The following RBPMS variants were observed in gnomAD, a reference collection of about 807,000 sequenced individuals.
RBPMS encodes the protein RNA binding protein, mRNA processing factor.
RBPMS carries 7 observed loss-of-function variants against 26.8 expected under a neutral mutation model. The ratio of observed to expected loss-of-function variants is 0.26; its 90% CI spans 0.15 to 0.49. RBPMS has a LOEUF of 0.49. Among genes scored for constraint, RBPMS ranks in the 20% least tolerant of loss-of-function variants. The pLI is 0.98. For synonymous variants in RBPMS, 96 were observed against 93.3 expected, an observed-to-expected ratio of 1.03 and a Z score of -0.17; for missense variants, 186 against 250.0, an observed-to-expected ratio of 0.74 and a Z score of 1.73.
At chr8:30,521,041 G>T (rs1010468927) in intron 5 of RBPMS, among the ~76,000 whole-genome samples, 1 of 152,154 alleles carries the variant, frequency 6.6e-6, no homozygotes, top group Admixed American at 6.5e-5. Flanking sequence ...GTCTTTGCAC[G>T]TAAGATAAAC....
chr8:30,556,121 G>A, intron 6 of RBPMS: 1 of 985,388 alleles, frequency 1.0e-6, no homozygotes, highest in South Asian at 4.7e-5. Context: ...CACTTGGCAA[G>A]CACATAGTGT....
chr8:30,569,707 ATGG>A (rs34586777), intron 8 of RBPMS, among the ~76,000 whole-genome samples: 4,199 of 152,176 alleles, frequency 0.028, 196 homozygotes, highest in African/African-American at 0.096. Context: ...TAAGATGGTG[ATGG>A]TGGAGTGGAA....
chr8:30,566,161 GCT>G, intron 7 of RBPMS, 94 bp from the exon 8 acceptor site: 1 of 630,304 alleles, frequency 1.6e-6, no homozygotes, highest in Non-Finnish European at 2.0e-6. Context: ...GCCTCTCTTG[GCT>G]CTCTGCCCTC....
intron 1 of RBPMS, among the ~76,000 whole-genome samples, chr8:30,440,018 A>G (rs1812897424): frequency 6.6e-6 from 1 of 152,204 alleles, no homozygotes; most frequent in African/African-American, 2.4e-5. Context: ...CTCTACAATC[A>G]ATCAGTCAGT....
Position 30,556,686 on chromosome 8 carries a change from C to T in RBPMS, c.529-2201C>T, listed in dbSNP as rs952071044. ...TCCAGCCCCCCACCTGCCATGGGGG[C>T]TCTGTGTCCCCGCCCCGTCCTTTCC... On this transcript the variant is annotated intron_variant, in intron 6 of 8. Transcript: ENST00000397323. The T allele has an allele frequency of 5.1e-6, 5 of 985,826 alleles. No individual in the cohort carries two copies. The African/African-American group carries it at 7.0e-5, about 14-fold the overall frequency. 61.1% of individuals were successfully genotyped at this position (985,826 alleles called of 1,614,324 possible). A position where few individuals can be genotyped will look rare whatever the true frequency, so the allele number is the denominator to read the frequency against.
Position 30,550,185 on chromosome 8 carries a change from C to CGCCTTTCAGGAGA in RBPMS, c.528+5564_528+5576dup, listed in dbSNP as rs576885793. On this transcript the variant is annotated intron_variant, in intron 6 of 8. Coordinates refer to ENST00000397323, the MANE Select transcript of RBPMS (RefSeq NM_001008710.3). ...GATGCAGGGCCTGTGCTCTGAGCTG[C>CGCCTTTCAGGAGA]GCCTTTCAGGAGAGCTCTGCGGGGC... Among the ~76,000 whole-genome samples, 81 of 152,284 alleles carry CGCCTTTCAGGAGA rather than the reference C, an allele frequency of 5.3e-4. No homozygotes were observed. In the East Asian group the frequency reaches 0.015, roughly 27 times the overall value.
chr8:30,421,675 G>C (rs1810807717), intron 1 of RBPMS, among the ~76,000 whole-genome samples: 1 of 152,184 alleles, frequency 6.6e-6, no homozygotes, highest in African/African-American at 2.4e-5. Flanking sequence ...CTGTTTTACT[G>C]GCCGGGCATG....
intron 1 of RBPMS, among the ~76,000 whole-genome samples, chr8:30,429,069 A>G (rs1423924445): frequency 6.6e-6 from 1 of 152,014 alleles, no homozygotes. Flanking sequence ...TTTTATTTGT[A>G]GGCAGGATAG....
Position 30,546,374 on chromosome 8 carries a change from T to C in RBPMS, c.528+1750T>C, listed in dbSNP as rs138976815. On this transcript the variant is annotated intron_variant, in intron 6 of 8. Transcript: ENST00000397323. ...GCCAGAAAGTACTGGGAATAGTGGC[T>C]TTTGGCCATGACATCTGCTCATTCT... is the stretch of plus-strand genomic sequence containing the variant. Among the ~76,000 whole-genome samples, 88 of 152,354 alleles carry C rather than the reference T, an allele frequency of 5.8e-4. 1 individual carries two copies. In the East Asian group the frequency reaches 0.012, roughly 21 times the overall value.
chr8:30,456,815 G>A (rs1040339803), intron 1 of RBPMS, among the ~76,000 whole-genome samples: 2 of 152,176 alleles, frequency 1.3e-5, no homozygotes, highest in Admixed American at 1.3e-4. Flanking sequence ...CAGCTACTTG[G>A]GAGGCTGAGG....
rs1359658254 is a variant in RBPMS, at chr8:30,504,512, T to C, written c.397+76T>C. On this transcript the variant is annotated intron_variant, in intron 5 of 8. Coordinates refer to ENST00000397323, the MANE Select transcript of RBPMS (RefSeq NM_001008710.3). Reference sequence around the variant, plus strand: ...ATGTGCTGCATGTGAGGTTACACCATGGGACATGGAGCTGGCTGAGTCTTA... The same window carrying C: ...ATGTGCTGCATGTGAGGTTACACCACGGGACATGGAGCTGGCTGAGTCTTA... 7 of 1,442,522 alleles carry C rather than the reference T, an allele frequency of 4.9e-6. No individual in the cohort carries two copies. The African/African-American group carries it at 7.0e-5, about 14-fold the overall frequency. 89.4% of individuals were successfully genotyped at this position (1,442,522 alleles called of 1,614,324 possible).
chr8:30,524,452 A>T (rs1301806644), intron 5 of RBPMS, among the ~76,000 whole-genome samples: 1 of 152,168 alleles, frequency 6.6e-6, no homozygotes, highest in Non-Finnish European at 1.5e-5. Flanking sequence ...GTTTTCCCCA[A>T]GATTACACAG....
At chr8:30,508,440 G>C (rs1369617804) in intron 5 of RBPMS, among the ~76,000 whole-genome samples, 1 of 152,138 alleles carries the variant, frequency 6.6e-6, no homozygotes, top group Non-Finnish European at 1.5e-5. Context: ...ACCTCTCTGT[G>C]TCTCAGTTTT....
intron 1 of RBPMS, among the ~76,000 whole-genome samples, chr8:30,471,512 G>GT: frequency 6.6e-6 from 1 of 152,032 alleles, no homozygotes; most frequent in Non-Finnish European, 1.5e-5. Flanking sequence ...CACTTAGAAC[G>GT]TAAGTTCTGC....
intron 7 of RBPMS, among the ~76,000 whole-genome samples, chr8:30,563,578 G>A (rs1375645338): frequency 6.6e-6 from 1 of 152,212 alleles, no homozygotes; most frequent in East Asian, 1.9e-4. Context: ...GAAATTATAA[G>A]CACATGTAGT....
chr8:30,526,065 T>C (rs781772385), intron 5 of RBPMS, among the ~76,000 whole-genome samples: 9 of 152,236 alleles, frequency 5.9e-5, no homozygotes, highest in Non-Finnish European at 8.8e-5. Flanking sequence ...CATAGTGAAA[T>C]GAGAAGAGCT....
At chr8:30,441,146 T>A (rs1162302187) in intron 1 of RBPMS, among the ~76,000 whole-genome samples, 1 of 152,140 alleles carries the variant, frequency 6.6e-6, no homozygotes, top group Non-Finnish European at 1.5e-5. Context: ...TAGCCGTAAC[T>A]GTCCATTTTT....
chr8:30,420,825 C>T (rs11574516), intron 1 of RBPMS, among the ~76,000 whole-genome samples: 3,246 of 152,230 alleles, frequency 0.021, 140 homozygotes, highest in African/African-American at 0.074. Context: ...AATGCTTCCT[C>T]TATTGTAGCA....
At chr8:30,429,013 G>A (rs1216595131) in intron 1 of RBPMS, among the ~76,000 whole-genome samples, 1 of 152,052 alleles carries the variant, frequency 6.6e-6, no homozygotes, top group African/African-American at 2.4e-5. Flanking sequence ...CACATCAAAG[G>A]TGGTGAGAAA....
Sources: gnomAD v4.1 joint callset for allele counts (sites outside exome capture counted in the v4.1 genomes callset) on GRCh38, gnomAD v4.1.1 for gene constraint, MANE v1.5 for transcripts, NCBI Gene and HGNC (gene_info 2026-07-23, HGNC 2026-07-21) for gene names.